The following DOP1B variants were observed in gnomAD, a reference collection of about 807,000 sequenced individuals.
The protein encoded by DOP1B is DOP1 leucine zipper like protein B.
A neutral mutation model predicts 233.5 loss-of-function variants in DOP1B; 174 were observed. That is an observed-to-expected ratio of 0.75 (90% CI 0.66 to 0.85). The LOEUF (loss-of-function observed/expected upper bound fraction) is 0.85. Ranked by LOEUF, DOP1B falls within the 40% of genes least tolerant of loss-of-function variation. The pLI is 0.00. For missense variants in DOP1B, 2,652 were observed against 2,846.6 expected (o/e 0.93, Z 1.56); for synonymous variants, 1,190 against 1,185.6 (o/e 1.00, Z -0.08).
chr21:36,237,102 C>T lies in DOP1B; in HGVS notation c.2623-160C>T, dbSNP rs146838197. ...CTCCCAGCCTTTGGTAGGTTTCTTG[C>T]TTTATTTGTTGGTGATTTGTCTCTG... is the stretch of plus-strand genomic sequence containing the variant. On this transcript the variant is annotated intron_variant, in intron 15 of 36. Transcript: ENST00000691173. Among the ~76,000 whole-genome samples, 465 of 152,114 alleles carry T rather than the reference C, an allele frequency of 3.1e-3. 2 individuals are homozygous for T. The highest frequency in any genetic ancestry group is 5.6e-3 in the South Asian group (27 of 4,814).
chr21:36,288,073 C>T lies in DOP1B; in HGVS notation c.6220C>T (p.Leu2074Phe). Residue 2074 changes from leucine to phenylalanine, a missense_variant, in exon 33 of 37, where the codon CTT becomes TTT. Around this residue, in one of 3 missense-constraint regions of DOP1B, gnomAD observed 2,617 missense variants for 2,794.3 expected, o/e 0.94. Coordinates refer to ENST00000691173, the MANE Select transcript of DOP1B (RefSeq NM_001320714.2). Reference sequence around the variant, plus strand: ...ATCCATAGTTGCTGCTCAGATGTTTCTTTTTTTCAGAGTTTTGCTGCTAAG... The same window carrying T: ...ATCCATAGTTGCTGCTCAGATGTTTTTTTTTTTCAGAGTTTTGCTGCTAAG... ...QTSIVAAQMF[L>F]FFRVLLLRIS... The T allele has an allele frequency of 6.2e-7, 1 of 1,613,952 alleles. No homozygotes were observed. Among genetic ancestry groups the T allele is most frequent in the Non-Finnish European group, 8.5e-7 (1 of 1,179,974 alleles).
At chr21:36,184,487 G>A (rs1356053519) in intron 2 of DOP1B, among the ~76,000 whole-genome samples, 1 of 152,150 alleles carries the variant, frequency 6.6e-6, no homozygotes, top group Non-Finnish European at 1.5e-5. Context: ...CCCAGCCCCT[G>A]TATACACTGT....
chr21:36,277,251 AC>A, intron 28 of DOP1B, 151 bp downstream of exon 28: 1 of 724,752 alleles, frequency 1.4e-6, no homozygotes, highest in Non-Finnish European at 2.2e-6. Context: ...CTCAAGCTGC[AC>A]CATGGAGTTT....
intron 34 of DOP1B, 116 bp downstream of exon 34, chr21:36,288,927 G>T: frequency 1.4e-6 from 2 of 1,459,984 alleles, no homozygotes; most frequent in South Asian, 2.5e-5. Flanking sequence ...CTTGTGAAAG[G>T]ACCAGCTATT....
intron 14 of DOP1B, 40 bp downstream of exon 14, chr21:36,231,174 T>A (rs769668059): frequency 6.5e-7 from 1 of 1,539,766 alleles, no homozygotes; most frequent in Non-Finnish European, 8.8e-7. Flanking sequence ...TTGGGAATCA[T>A]ACGATGAGGC....
intron 10 of DOP1B, among the ~76,000 whole-genome samples, chr21:36,220,040 C>T (rs1490887863): frequency 6.6e-6 from 1 of 151,930 alleles, no homozygotes; most frequent in African/African-American, 2.4e-5. Context: ...GGCACATTGG[C>T]CTCACGTGCG....
At chr21:36,272,515 T>C (rs1003629541) in intron 27 of DOP1B, among the ~76,000 whole-genome samples, 4 of 151,078 alleles carry the variant, frequency 2.6e-5, no homozygotes. Context: ...CCAGGTATGG[T>C]GGCGGGCATC....
At chr21:36,233,368 C>G (rs953403733) in intron 15 of DOP1B, among the ~76,000 whole-genome samples, 1 of 152,206 alleles carries the variant, frequency 6.6e-6, no homozygotes, top group Non-Finnish European at 1.5e-5. Flanking sequence ...ATGACTCCTC[C>G]ACTGCACTCA....
At chr21:36,259,609 A>G (rs1476811850) in intron 23 of DOP1B, among the ~76,000 whole-genome samples, 1 of 152,086 alleles carries the variant, frequency 6.6e-6, no homozygotes, top group Non-Finnish European at 1.5e-5. Flanking sequence ...AGGAGTGGGA[A>G]TGGTGCTCCA....
intron 4 of DOP1B, among the ~76,000 whole-genome samples, chr21:36,206,126 C>T (rs78036330): frequency 1.4e-3 from 217 of 152,184 alleles, no homozygotes; most frequent in African/African-American, 4.9e-3. Flanking sequence ...TTTTTAACCC[C>T]GTTTATTTTG....
intron 4 of DOP1B, among the ~76,000 whole-genome samples, chr21:36,201,132 C>G (rs2123473655): frequency 6.6e-6 from 1 of 152,220 alleles, no homozygotes; most frequent in African/African-American, 2.4e-5. Context: ...GGAAGACATA[C>G]CCTCTTAGGG....
At chr21:36,200,170 A>G (rs1213163460) in intron 3 of DOP1B, among the ~76,000 whole-genome samples, 161 bp from the exon 4 acceptor site, 2 of 152,188 alleles carry the variant, frequency 1.3e-5, no homozygotes, top group South Asian at 4.1e-4. Flanking sequence ...TTGTTACGTA[A>G]CAGTGTTTTG....
chr21:36,204,437 G>C (rs901081284), intron 4 of DOP1B, among the ~76,000 whole-genome samples: 1 of 152,110 alleles, frequency 6.6e-6, no homozygotes, highest in Non-Finnish European at 1.5e-5. Flanking sequence ...GGCCCCTATC[G>C]TGGAGGAAAC....
rs550784577 is a variant in DOP1B, at chr21:36,200,566, G to C, written c.491+65G>C. ...CTTTATAAGACGCGGGGAGGGGGCC[G>C]GGCGCAGTGGCTCACGCCTGTAATC... On this transcript the variant is annotated intron_variant, in intron 4 of 36. Transcript: ENST00000691173. 3 of 1,512,030 alleles carry C rather than the reference G, an allele frequency of 2.0e-6. No homozygotes were observed. In the Admixed American group the frequency reaches 6.5e-5, roughly 33 times the overall value. 93.7% of individuals were successfully genotyped at this position (1,512,030 alleles called of 1,614,324 possible).
intron 27 of DOP1B, among the ~76,000 whole-genome samples, chr21:36,271,627 T>G (rs919556084): frequency 1.3e-5 from 2 of 152,004 alleles, no homozygotes; most frequent in African/African-American, 4.8e-5. Flanking sequence ...TTTGACTTTT[T>G]ACAACATACT....
intron 2 of DOP1B, among the ~76,000 whole-genome samples, chr21:36,180,311 G>A (rs2066081843): frequency 1.3e-5 from 2 of 152,208 alleles, no homozygotes; most frequent in Non-Finnish European, 2.9e-5. Context: ...GCTCATGCCT[G>A]TAATCCCAGG....
intron 14 of DOP1B, among the ~76,000 whole-genome samples, chr21:36,231,956 C>T (rs1050765950): frequency 6.6e-6 from 1 of 151,912 alleles, no homozygotes; most frequent in Non-Finnish European, 1.5e-5. Context: ...AGTGATTCTC[C>T]TACCTCAGCC....
chr21:36,200,994 G>A (rs535731208), intron 4 of DOP1B, among the ~76,000 whole-genome samples: 198 of 152,226 alleles, frequency 1.3e-3, no homozygotes, highest in Non-Finnish European at 1.9e-3. Context: ...GGGAAGTCCC[G>A]AGCCCGGAGA....
intron 2 of DOP1B, among the ~76,000 whole-genome samples, chr21:36,192,921 C>A (rs1419041494): frequency 1.3e-5 from 2 of 152,036 alleles, no homozygotes; most frequent in African/African-American, 2.4e-5. Context: ...GATCTCCTGA[C>A]CTCTGATCTG....
Sources: gnomAD v4.1 joint callset for allele counts (sites outside exome capture counted in the v4.1 genomes callset) on GRCh38, gnomAD v4.1.1 for gene constraint, gnomAD v4.1.1 regional missense constraint, MANE v1.5 for transcripts, NCBI Gene and HGNC (gene_info 2026-07-23, HGNC 2026-07-21) for gene names.